Variants in LRRTM4 observed in about 807,000 individuals in gnomAD.
LRRTM4 encodes leucine rich repeat transmembrane neuronal 4, also known as leucine-rich repeat transmembrane neuronal protein 4.
A neutral mutation model predicts 47.6 loss-of-function variants in LRRTM4; 25 were observed. The ratio of observed to expected loss-of-function variants is 0.53; its 90% CI spans 0.38 to 0.73. LRRTM4 has a LOEUF of 0.73. Among genes scored for constraint, LRRTM4 ranks in the 30% least tolerant of loss-of-function variants. The pLI is 0.00. For missense variants in LRRTM4, 638 were observed against 713.4 expected, an observed-to-expected ratio of 0.89 and a Z score of 1.20; for synonymous variants, 311 against 269.5, an observed-to-expected ratio of 1.15 and a Z score of -1.51.
intron 3 of LRRTM4, among the ~76,000 whole-genome samples, chr2:76,995,193 A>G (rs1043416954): frequency 2.0e-4 from 31 of 152,198 alleles, no homozygotes; most frequent in South Asian, 8.3e-4. Context: ...AGAGCTACCT[A>G]GATAATTCCT....
At chr2:77,278,776 T>G (rs1190713945) in intron 3 of LRRTM4, among the ~76,000 whole-genome samples, 1 of 151,966 alleles carries the variant, frequency 6.6e-6, no homozygotes, top group Non-Finnish European at 1.5e-5. Context: ...GTATACCATG[T>G]GGACTCTACC....
intron 3 of LRRTM4, among the ~76,000 whole-genome samples, chr2:76,848,117 G>A (rs1185981918): frequency 6.6e-6 from 1 of 151,950 alleles, no homozygotes; most frequent in African/African-American, 2.4e-5. Context: ...TTCTTTGTGT[G>A]TGTTTGGGTT....
chr2:77,458,485 G>A (rs907620873), intron 3 of LRRTM4, among the ~76,000 whole-genome samples: 3 of 152,066 alleles, frequency 2.0e-5, no homozygotes, highest in African/African-American at 7.2e-5. Flanking sequence ...TGGAACCTGA[G>A]AAGCAGCACT....
At chr2:76,781,026 G>GTGTC (rs1170231174) in intron 3 of LRRTM4, among the ~76,000 whole-genome samples, 2 of 152,266 alleles carry the variant, frequency 1.3e-5, no homozygotes, top group African/African-American at 4.8e-5. Flanking sequence ...GCCGTGTGAG[G>GTGTC]TGTCAGTGTG....
chr2:77,105,997 C>T (rs983996732), intron 3 of LRRTM4, among the ~76,000 whole-genome samples: 3 of 152,150 alleles, frequency 2.0e-5, no homozygotes, highest in African/African-American at 7.2e-5. Context: ...CTACACTCAC[C>T]TTCTTCCTAT....
intron 3 of LRRTM4, among the ~76,000 whole-genome samples, chr2:76,904,749 C>G (rs1673764335): frequency 6.6e-6 from 1 of 151,996 alleles, no homozygotes; most frequent in Non-Finnish European, 1.5e-5. Flanking sequence ...TATGCCAGAG[C>G]AACATCAAAT....
chr2:77,050,056 C>A (rs1186244332), intron 3 of LRRTM4, among the ~76,000 whole-genome samples: 1 of 151,522 alleles, frequency 6.6e-6, no homozygotes, highest in African/African-American at 2.4e-5. Flanking sequence ...AAACACTTGT[C>A]CTTTGGAGCA....
chr2:77,457,483 T>A (rs1459485277), intron 3 of LRRTM4, among the ~76,000 whole-genome samples: 2 of 152,070 alleles, frequency 1.3e-5, no homozygotes, highest in Non-Finnish European at 2.9e-5. Flanking sequence ...ACACCAACAT[T>A]CCTGCCTTCA....
At chr2:77,288,604 T>G (rs1365766298) in intron 3 of LRRTM4, among the ~76,000 whole-genome samples, 4 of 152,060 alleles carry the variant, frequency 2.6e-5, no homozygotes, top group African/African-American at 9.7e-5. Context: ...ATTTTATCTA[T>G]AAAGATATAA....
Position 76,993,101 on chromosome 2 carries a change from C to T in LRRTM4, c.1552-244185G>A, listed in dbSNP as rs1573417195. Among the ~76,000 whole-genome samples, 3 of 151,888 alleles carry T rather than the reference C, an allele frequency of 2.0e-5. No individual in the cohort carries two copies. The South Asian group carries it at 6.2e-4, about 31-fold the overall frequency. On this transcript the variant is annotated intron_variant, in intron 3 of 3. Coordinates refer to ENST00000409884, the MANE Select transcript of LRRTM4 (RefSeq NM_001134745.3). ...AGAATAAAACTGGACCCTTACCTTT[C>T]TGTGTATATAAAAATAACTCAAGAT...
chr2:77,237,684 C>T (rs1341895280), intron 3 of LRRTM4, among the ~76,000 whole-genome samples: 1 of 152,108 alleles, frequency 6.6e-6, no homozygotes, highest in East Asian at 1.9e-4. Flanking sequence ...GATTCAGAAT[C>T]ACATAGGGCC....
chr2:76,819,249 A>T (rs1430837068), intron 3 of LRRTM4, among the ~76,000 whole-genome samples: 1 of 132,010 alleles, frequency 7.6e-6, no homozygotes, highest in African/African-American at 2.8e-5. Context: ...GAATGTTTTT[A>T]AAAATATATG....
At chr2:76,894,858 G>A (rs1673361440) in intron 3 of LRRTM4, among the ~76,000 whole-genome samples, 4 of 150,112 alleles carry the variant, frequency 2.7e-5, no homozygotes, top group African/African-American at 9.8e-5. Context: ...ATATACACAT[G>A]CGCACATTGT....
At chr2:77,223,764 C>T (rs1372780148) in intron 3 of LRRTM4, among the ~76,000 whole-genome samples, 2 of 152,054 alleles carry the variant, frequency 1.3e-5, no homozygotes, top group South Asian at 2.1e-4. Context: ...GAATCAATAT[C>T]GTGAAAATGG....
intron 3 of LRRTM4, among the ~76,000 whole-genome samples, chr2:77,062,204 C>G (rs1003863461): frequency 1.3e-5 from 2 of 152,182 alleles, no homozygotes; most frequent in African/African-American, 4.8e-5. Flanking sequence ...CTCCTCCAAA[C>G]TGACAATATC....
At chr2:77,347,237 T>C (rs190904684) in intron 3 of LRRTM4, among the ~76,000 whole-genome samples, 33 of 152,344 alleles carry the variant, frequency 2.2e-4, no homozygotes, top group Non-Finnish European at 1.5e-4. Context: ...GGAGCTGTGA[T>C]AGCTTCACAC....
At chr2:77,270,971 A>G (rs1223089715) in intron 3 of LRRTM4, among the ~76,000 whole-genome samples, 1 of 152,182 alleles carries the variant, frequency 6.6e-6, no homozygotes, top group Non-Finnish European at 1.5e-5. Flanking sequence ...AGTCCTATGA[A>G]GACCCCAGGC....
At chr2:76,921,234 T>C (rs78232375) in intron 3 of LRRTM4, among the ~76,000 whole-genome samples, 1,891 of 152,206 alleles carry the variant, frequency 0.012, 43 homozygotes, top group African/African-American at 0.043. Flanking sequence ...ACTGGTCAAG[T>C]ATTTTGTAGA....
At chr2:76,771,743 C>A (rs151210739) in intron 3 of LRRTM4, among the ~76,000 whole-genome samples, 36 of 152,066 alleles carry the variant, frequency 2.4e-4, no homozygotes, top group African/African-American at 8.2e-4. Context: ...GGCAGAAGAT[C>A]TTTCTCCTCA....
Sources: allele counts gnomAD v4.1 joint callset (sites outside exome capture counted in the v4.1 genomes callset), GRCh38; gene constraint gnomAD v4.1.1; transcripts MANE v1.5; gene names NCBI Gene and HGNC (gene_info 2026-07-23, HGNC 2026-07-21).